Variants in STPG2 observed in about 807,000 individuals in gnomAD.
STPG2 encodes the protein sperm-tail PG-rich repeat-containing protein 2.
Under a neutral mutation model 54.2 loss-of-function variants are expected in STPG2, and 56 were observed. The observed-to-expected ratio is 1.03, with a 90% CI of 0.83 to 1.29. STPG2 has a LOEUF of 1.29. Among genes scored for constraint, STPG2 ranks in the 50% most tolerant of loss-of-function variants. The pLI, the probability that STPG2 is intolerant of heterozygous loss-of-function variation, is 0.00. For synonymous variants in STPG2, 200 were observed against 181.8 expected (o/e 1.10, Z -0.81); for missense variants, 596 against 544.9 (o/e 1.09, Z -0.93).
chr4:97,805,557 G>T (rs1727532842), intron 9 of STPG2, among the ~76,000 whole-genome samples: 1 of 152,118 alleles, frequency 6.6e-6, no homozygotes, highest in South Asian at 2.1e-4. Flanking sequence ...TTGGCCAATT[G>T]TATGTCTTCT....
chr4:97,797,319 T>C (rs1578572857), intron 9 of STPG2, among the ~76,000 whole-genome samples: 1 of 152,248 alleles, frequency 6.6e-6, no homozygotes, highest in Non-Finnish European at 1.5e-5. Flanking sequence ...ATATTGGCTG[T>C]GGGTTTGTCA....
chr4:97,684,205 A>C (rs1272530483), intron 10 of STPG2, among the ~76,000 whole-genome samples: 1 of 151,956 alleles, frequency 6.6e-6, no homozygotes. Flanking sequence ...ATTCCCAGTC[A>C]AAATCTCAGA....
At chr4:97,612,387 G>C (rs1414468160) in intron 10 of STPG2, among the ~76,000 whole-genome samples, 1 of 151,850 alleles carries the variant, frequency 6.6e-6, no homozygotes, top group African/African-American at 2.4e-5. Flanking sequence ...AAATAATTCA[G>C]CAAAAAAAAG....
chr4:97,748,536 TATC>T (rs1258084004), intron 9 of STPG2, among the ~76,000 whole-genome samples: 3 of 151,632 alleles, frequency 2.0e-5, no homozygotes, highest in African/African-American at 4.8e-5. Context: ...AAAGGGAACA[TATC>T]ATTTTCCTGA....
chr4:97,502,303 C>A (rs983730580), intron 4 of STPG2, among the ~76,000 whole-genome samples: 1 of 151,784 alleles, frequency 6.6e-6, no homozygotes, highest in African/African-American at 2.4e-5. Flanking sequence ...ATACCTTAGG[C>A]AAACAGGCAG....
At chr4:98,093,808 A>G (rs531556159) in intron 5 of STPG2, among the ~76,000 whole-genome samples, 1 of 152,216 alleles carries the variant, frequency 6.6e-6, no homozygotes, top group Non-Finnish European at 1.5e-5. Flanking sequence ...AGAGTGGAGA[A>G]TAAAGCCATG....
intron 10 of STPG2, among the ~76,000 whole-genome samples, chr4:97,613,472 ACC>A (rs1733780393): frequency 7.4e-6 from 1 of 134,948 alleles, no homozygotes; most frequent in East Asian, 2.3e-4. Flanking sequence ...TCTAGTCATC[ACC>A]CGTGTGTGTG....
intron 9 of STPG2, among the ~76,000 whole-genome samples, chr4:97,733,832 T>A (rs529421896): frequency 2.7e-4 from 41 of 152,216 alleles, no homozygotes; most frequent in African/African-American, 9.4e-4. Context: ...TCTCAAAGGA[T>A]CTGTTTGAAG....
chr4:97,699,951 C>T (rs982329601), intron 10 of STPG2, among the ~76,000 whole-genome samples: 1 of 152,204 alleles, frequency 6.6e-6, no homozygotes, highest in Non-Finnish European at 1.5e-5. Context: ...TGCTGCTGTG[C>T]ATGACCCACT....
chr4:97,466,081 T>C (rs2148811744), intron 4 of STPG2, among the ~76,000 whole-genome samples: 1 of 152,226 alleles, frequency 6.6e-6, no homozygotes, highest in South Asian at 2.1e-4. Flanking sequence ...GGGTTTTAAA[T>C]AAATCCTTTA....
chr4:97,707,250 C>T (rs1172329269), intron 10 of STPG2, among the ~76,000 whole-genome samples: 3 of 152,058 alleles, frequency 2.0e-5, no homozygotes, highest in East Asian at 1.9e-4. Flanking sequence ...GAGCTGGGTG[C>T]GGTGGCTTAA....
At chr4:98,116,047 T>C (rs1458784592) in intron 3 of STPG2, among the ~76,000 whole-genome samples, 1 of 151,982 alleles carries the variant, frequency 6.6e-6, no homozygotes, top group Non-Finnish European at 1.5e-5. Flanking sequence ...TCAATACTTA[T>C]TAAATTAGGC....
chr4:97,967,673 T>G (rs1390734473), intron 7 of STPG2, among the ~76,000 whole-genome samples: 1 of 152,152 alleles, frequency 6.6e-6, no homozygotes, highest in Non-Finnish European at 1.5e-5. Context: ...CAGATCACAG[T>G]GCAATCAAAT....
At chr4:97,687,370 C>G (rs920340188) in intron 10 of STPG2, among the ~76,000 whole-genome samples, 1 of 151,160 alleles carries the variant, frequency 6.6e-6, no homozygotes, top group Non-Finnish European at 1.5e-5. Context: ...GTCACCTAGG[C>G]TGGAGTGCAG....
intron 8 of STPG2, among the ~76,000 whole-genome samples, chr4:97,925,359 T>A (rs934909270): frequency 6.6e-6 from 1 of 152,206 alleles, no homozygotes; most frequent in East Asian, 1.9e-4. Context: ...ACCCATTTTC[T>A]GAGCTAATGA....
chr4:97,447,643 T>C (rs1453008435), intron 4 of STPG2, among the ~76,000 whole-genome samples: 1 of 152,202 alleles, frequency 6.6e-6, no homozygotes, highest in African/African-American at 2.4e-5. Flanking sequence ...GGTTTACATG[T>C]AGTGTTGGGC....
intron 3 of STPG2, among the ~76,000 whole-genome samples, chr4:98,116,528 C>T (rs7663924): frequency 0.4 from 59,934 of 151,550 alleles, 12,077 homozygotes; most frequent in Middle Eastern, 0.46. Context: ...ATAACTTGTC[C>T]GTCACCTTGG....
At chr4:98,080,266 C>CA (rs1553939977) in intron 5 of STPG2, among the ~76,000 whole-genome samples, 1 of 149,574 alleles carries the variant, frequency 6.7e-6, no homozygotes. Context: ...CTTTATTTAC[C>CA]TTTTTTTTTA....
At chr4:97,722,964 A>ATTTTTTTT (rs3974903) in intron 9 of STPG2, among the ~76,000 whole-genome samples, 3 of 116,366 alleles carry the variant, frequency 2.6e-5, no homozygotes, top group Non-Finnish European at 5.2e-5. Flanking sequence ...CACCCGGCTA[A>ATTTTTTTT]TTTTTTTTTT....
Sources: gnomAD v4.1 joint callset for allele counts (sites outside exome capture counted in the v4.1 genomes callset) on GRCh38, gnomAD v4.1.1 for gene constraint, MANE v1.5 for transcripts, NCBI Gene and HGNC (gene_info 2026-07-23, HGNC 2026-07-21) for gene names.